Variants in CTSL observed in about 807,000 individuals in gnomAD.
CTSL encodes the protein cathepsin L, also known as procathepsin L.
CTSL carries 23 observed loss-of-function variants against 34.7 expected under a neutral mutation model. The ratio of observed to expected loss-of-function variants is 0.66; its 90% CI spans 0.48 to 0.94. The LOEUF (loss-of-function observed/expected upper bound fraction) is 0.94. Among genes scored for constraint, CTSL ranks in the 40% least tolerant of loss-of-function variants. CTSL has a pLI of 0.00. For synonymous variants in CTSL, 129 were observed against 136.7 expected (o/e 0.94, Z 0.39); for missense variants, 361 against 406.3 (o/e 0.89, Z 0.96).
chr9:87,727,973 ATGAGTT>A, intron 2 of CTSL, 48 bp from the exon 3 acceptor site: 1 of 1,606,632 alleles, frequency 6.2e-7, no homozygotes, highest in Non-Finnish European at 8.5e-7. Context: ...CTTGGTGAGG[ATGAGTT>A]GGGTTTTAGG....
Position 87,728,316 on chromosome 9 carries a change from T to C in CTSL, c.316T>C (p.Phe106Leu), listed in dbSNP as rs1461342419. The C allele has an allele frequency of 3.1e-6, 5 of 1,614,204 alleles. No homozygotes were observed. Among genetic ancestry groups the C allele is most frequent in the Middle Eastern group, 1.6e-4 (1 of 6,062 alleles). The stretch of plus-strand genomic sequence containing the variant: ...CCGTAAGCCCAGGAAGGGGAAAGTG[T>C]TCCAGGAACCTCTGTTTTATGAGGC... Reference protein sequence around the residue: ...QNRKPRKGKVFQEPLFYEAPR... With the variant: ...QNRKPRKGKVLQEPLFYEAPR... Residue 106 changes from phenylalanine to leucine, a missense_variant, in exon 4 of 8, where the codon TTC becomes CTC. Phe to Leu is a conservative substitution (Grantham distance 22, BLOSUM62 0). Transcript: ENST00000343150.
Position 87,728,332 on chromosome 9 carries a change from T to A in CTSL, c.332T>A (p.Phe111Tyr). 2 of 1,614,104 alleles carry A rather than the reference T, an allele frequency of 1.2e-6. No homozygotes were observed. The highest frequency in any genetic ancestry group is 1.7e-6 in the Non-Finnish European group (2 of 1,180,016). Residue 111 changes from phenylalanine to tyrosine, a missense_variant, in exon 4 of 8, where the codon TTT (phenylalanine) becomes TAT (tyrosine). Coordinates refer to ENST00000343150, the MANE Select transcript of CTSL (RefSeq NM_001912.5). ...GGGAAAGTGTTCCAGGAACCTCTGT[T>A]TTATGAGGCCCCCAGATCTGTGGAT... is the stretch of plus-strand genomic sequence containing the variant. ...RKGKVFQEPL[F>Y]YEAPRSVDWR...
In CTSL at chr9:87,731,113, T is replaced by G. The variant is rs1826243299; in HGVS notation, c.*6T>G. The G allele has an allele frequency of 6.2e-7, 1 of 1,610,334 alleles. No homozygotes were observed. ...CCAGCTACCCCACTGTGTGAGCTGGTGGACGGTGATGAGGAAGGACTTGAC... is the reference window on the plus strand; with the variant it reads ...CCAGCTACCCCACTGTGTGAGCTGGGGGACGGTGATGAGGAAGGACTTGAC... On this transcript the variant is annotated 3_prime_UTR_variant, in exon 8 of 8. Transcript: ENST00000343150.
At position 87,728,232 on chromosome 9, in the gene CTSL, A is replaced by G; in HGVS notation, c.250-18A>G. 6.2e-7 allele frequency: 1 copy of G among 1,613,988 alleles called. No homozygotes were observed. Among genetic ancestry groups the G allele is most frequent in the Admixed American group, 1.7e-5 (1 of 59,970 alleles). On this transcript the variant is annotated intron_variant, in intron 3 of 7. Transcript: ENST00000343150. ...GTAATCTCTTGCTTTTCAACATTTT[A>G]TTTCCTTTTCCTTGAAGACCAGTGA...
Position 87,730,434 on chromosome 9 carries a change from G to A in CTSL, c.838G>A (p.Val280Met). 1 of 1,613,364 alleles carries A rather than the reference G, an allele frequency of 6.2e-7. No individual in the cohort carries two copies. Among genetic ancestry groups the A allele is most frequent in the South Asian group, 1.1e-5 (1 of 90,978 alleles). ...TGAAGACATGGATCATGGTGTGCTG[G>A]TGGTTGGCTACGGATTTGAAAGCAC... ...SSEDMDHGVL[V>M]VGYGFESTES... is the part of the protein sequence containing the mutation. Residue 280 changes from valine (V) to methionine (M), a missense_variant, in exon 7 of 8, where the codon GTG becomes ATG. By Grantham distance (21) the Val-to-Met change is conservative. Transcript: ENST00000343150.
At chr9:87,729,373 C>T (rs1317275531) in intron 5 of CTSL, among the ~76,000 whole-genome samples, 200 bp from the exon 6 acceptor site, 1 of 152,102 alleles carries the variant, frequency 6.6e-6, no homozygotes, top group Non-Finnish European at 1.5e-5. Flanking sequence ...TGGAAGTAAA[C>T]CCAGAGGTCT....
intron 7 of CTSL, 38 bp from the exon 8 acceptor site, chr9:87,730,969 TA>T: frequency 1.3e-6 from 2 of 1,572,580 alleles, no homozygotes; most frequent in Non-Finnish European, 1.8e-6. Context: ...CTTTGGGCTT[TA>T]TTCTTTCTCT....
chr9:87,728,233 T>C lies in CTSL; in HGVS notation c.250-17T>C. ...TAATCTCTTGCTTTTCAACATTTTA[T>C]TTCCTTTTCCTTGAAGACCAGTGAA... On this transcript the variant is annotated splice_polypyrimidine_tract_variant and intron_variant, in intron 3 of 7. Coordinates refer to ENST00000343150, the MANE Select transcript of CTSL (RefSeq NM_001912.5). 6.2e-7 allele frequency: 1 copy of C among 1,614,134 alleles called. No homozygotes were observed. The highest frequency in any genetic ancestry group is 2.2e-5 in the East Asian group (1 of 44,888).
intron 1 of CTSL, among the ~76,000 whole-genome samples, chr9:87,726,910 C>T (rs374250929): frequency 1.3e-5 from 2 of 151,960 alleles, no homozygotes; most frequent in East Asian, 1.9e-4. Flanking sequence ...GGCGAGGCGG[C>T]GCACGCCTGT....
rs769398262 is a variant in CTSL, at chr9:87,728,669, C to G, written c.481C>G (p.Leu161Val). 6.2e-7 allele frequency: 1 copy of G among 1,614,086 alleles called. No homozygotes were observed. The highest frequency in any genetic ancestry group is 8.5e-7 in the Non-Finnish European group (1 of 1,180,030). The change falls in exon 5 of 8, where the codon CTG becomes GTG. Residue 161 changes from leucine (L) to valine (V), a missense_variant. Transcript: ENST00000343150. ...MFRKTGRLIS[L>V]SEQNLVDCSG... ...CCGGAAAACTGGGAGGCTTATCTCA[C>G]TGAGTGAGCAGAATCTGGTAGACTG...
At position 87,726,296 on chromosome 9, in the gene CTSL, T is replaced by A. The variant is rs1825988076; in HGVS notation, c.-113T>A. The A allele has an allele frequency of 6.6e-6, 1 of 152,666 alleles. No homozygotes were observed. Among genetic ancestry groups the A allele is most frequent in the South Asian group, 2.1e-4 (1 of 4,834 alleles). The allele number at this position is 152,666 out of a possible 1,614,324, so 9.5% of individuals were successfully genotyped here. On this transcript the variant is annotated 5_prime_UTR_variant, in exon 1 of 8. Coordinates refer to ENST00000343150, the MANE Select transcript of CTSL (RefSeq NM_001912.5). ...CAACGAGAGCGTCTACCCCGAACTC[T>A]GCTGGCCTTGAGGTGGGGAAGCCGG...
chr9:87,730,543 T>G (rs201737990), intron 7 of CTSL, 45 bp downstream of exon 7: 6 of 1,352,780 alleles, frequency 4.4e-6, no homozygotes, highest in Admixed American at 1.8e-5. Flanking sequence ...CAAAAGAGAA[T>G]ACTTATTTGC....
chr9:87,731,196 C>A lies in CTSL; in HGVS notation c.*89C>A. The A allele has an allele frequency of 3.5e-6, 3 of 858,024 alleles. No individual in the cohort carries two copies. The highest frequency in any genetic ancestry group is 1.7e-5 in the South Asian group (1 of 59,972). The allele number at this position is 858,024 out of a possible 1,614,324, so 53.2% of individuals were successfully genotyped here. ...TTCAGTCTACCAGCCCCCGCTGTGT[C>A]GGATACACACTCGAATCATTGAAGA... On this transcript the variant is annotated 3_prime_UTR_variant, in exon 8 of 8. Coordinates refer to ENST00000343150, the MANE Select transcript of CTSL (RefSeq NM_001912.5).
chr9:87,728,259 G>A lies in CTSL; in HGVS notation c.259G>A (p.Glu87Lys), dbSNP rs768288006. The stretch of plus-strand genomic sequence containing the variant: ...TTCCTTTTCCTTGAAGACCAGTGAA[G>A]AATTCAGGCAGGTGATGAATGGCTT... Reference protein sequence around the residue: ...MNAFGDMTSEEFRQVMNGFQN... With the variant: ...MNAFGDMTSEKFRQVMNGFQN... The change falls in exon 4 of 8, where the codon GAA becomes AAA. Residue 87 changes from glutamate (E) to lysine (K), a missense_variant. Glu to Lys is a moderately conservative substitution (Grantham distance 56). Coordinates refer to ENST00000343150, the MANE Select transcript of CTSL (RefSeq NM_001912.5). 23 of 1,614,044 alleles carry A rather than the reference G, an allele frequency of 1.4e-5. No homozygotes were observed. In the South Asian group the frequency reaches 2.3e-4, roughly 16 times the overall value.
chr9:87,727,463 C>T (rs1826062350), intron 1 of CTSL, 131 bp from the exon 2 acceptor site: 2 of 987,392 alleles, frequency 2.0e-6, no homozygotes, highest in South Asian at 1.7e-5. Flanking sequence ...CTTCCACAGT[C>T]CTTGGGTAAA....
At position 87,728,586 on chromosome 9, in the gene CTSL, G is replaced by C; in HGVS notation, c.398G>C (p.Gly133Ala). 2 of 1,613,150 alleles carry C rather than the reference G, an allele frequency of 1.2e-6. No homozygotes were observed. Among genetic ancestry groups the C allele is most frequent in the Non-Finnish European group, 1.7e-6 (2 of 1,179,466 alleles). The change falls in exon 5 of 8, where the codon GGT (glycine) becomes GCT (alanine). Residue 133 changes from glycine to alanine, a missense_variant and splice_region_variant. By Grantham distance (60) the Gly-to-Ala change is moderately conservative. Coordinates refer to ENST00000343150, the MANE Select transcript of CTSL (RefSeq NM_001912.5). ...KGYVTPVKNQ[G>A]QCGSCWAFSA... is the part of the protein sequence containing the mutation. ...AGCTTTTTTTAATTCCCTTTTCAGG[G>C]TCAGTGTGGTTCTTGTTGGGCTTTT... is the stretch of plus-strand genomic sequence containing the variant.
At chr9:87,726,698 G>A (rs567411868) in intron 1 of CTSL, among the ~76,000 whole-genome samples, 1 of 152,204 alleles carries the variant, frequency 6.6e-6, no homozygotes, top group Non-Finnish European at 1.5e-5. Context: ...GGAGCAGTGC[G>A]TGCTCTCCTT....
In CTSL at chr9:87,727,574, C is replaced by T; in HGVS notation, c.-10-20C>T. ...TTTAGGATTGGTCTAATCAGATCCTCATTTTTGTTCCCTTCCTAGGTTTTA... is the reference window on the plus strand; with the variant it reads ...TTTAGGATTGGTCTAATCAGATCCTTATTTTTGTTCCCTTCCTAGGTTTTA... On this transcript the variant is annotated intron_variant, in intron 1 of 7. Transcript: ENST00000343150. 1 of 1,613,024 alleles carries T rather than the reference C, an allele frequency of 6.2e-7. No individual in the cohort carries two copies. Among genetic ancestry groups the T allele is most frequent in the Non-Finnish European group, 8.5e-7 (1 of 1,179,768 alleles).
In CTSL at chr9:87,729,633, A is replaced by G. The variant is rs145197833; in HGVS notation, c.682A>G (p.Ile228Val). Residue 228 changes from isoleucine (I) to valine (V), a missense_variant, in exon 6 of 8, where the codon ATC (isoleucine) becomes GTC (valine). Physicochemically the swap from Ile to Val is conservative, Grantham distance 29. Transcript: ENST00000343150. ...SVANDTGFVD[I>V]PKQEKALMKA... ...TGCTAATGACACCGGCTTTGTGGAC[A>G]TCCCTAAGCAGGAGAAGGCCCTGAT... The G allele has an allele frequency of 3.5e-5, 57 of 1,614,130 alleles. No homozygotes were observed. In the African/African-American group the frequency reaches 7.2e-4, roughly 20 times the overall value.
Sources: allele counts gnomAD v4.1 joint callset (sites outside exome capture counted in the v4.1 genomes callset), GRCh38; gene constraint gnomAD v4.1.1; transcripts MANE v1.5; gene names NCBI Gene and HGNC (gene_info 2026-07-23, HGNC 2026-07-21).